The following PEBP4 variants were observed in gnomAD, a reference collection of about 807,000 sequenced individuals.
PEBP4 encodes phosphatidylethanolamine-binding protein 4.
A neutral mutation model predicts 23.9 loss-of-function variants in PEBP4; 22 were observed. That is an observed-to-expected ratio of 0.92 (90% CI 0.66 to 1.31). The LOEUF (loss-of-function observed/expected upper bound fraction) is 1.31. PEBP4 is among the 40% of genes most tolerant of loss of function. PEBP4 has a pLI of 0.00. For synonymous variants in PEBP4, 112 were observed against 99.3 expected (o/e 1.13, Z -0.76); for missense variants, 324 against 281.7 (o/e 1.15, Z -1.07).
At chr8:22,935,517 C>T (rs1170420710) in intron 1 of PEBP4, among the ~76,000 whole-genome samples, 1 of 152,114 alleles carries the variant, frequency 6.6e-6, no homozygotes, top group Non-Finnish European at 1.5e-5. Context: ...CAGAGTGAGA[C>T]TGTCTCAAAA....
chr8:22,819,111 T>A (rs1465343734), intron 3 of PEBP4, among the ~76,000 whole-genome samples: 1 of 152,100 alleles, frequency 6.6e-6, no homozygotes, highest in Non-Finnish European at 1.5e-5. Flanking sequence ...GTCATTGATA[T>A]AGAGATGGCC....
intron 3 of PEBP4, among the ~76,000 whole-genome samples, chr8:22,864,800 G>C (rs573528672): frequency 6.6e-6 from 1 of 152,372 alleles, no homozygotes; most frequent in South Asian, 2.1e-4. Context: ...CCAAGTCCTA[G>C]CGGGTAGTAC....
chr8:22,730,034 A>C (rs980540648), intron 4 of PEBP4, among the ~76,000 whole-genome samples: 2 of 152,176 alleles, frequency 1.3e-5, no homozygotes, highest in African/African-American at 4.8e-5. Context: ...CTTAGACCCC[A>C]GGCCCTTCGA....
chr8:22,938,705 C>G (rs931646905), intron 1 of PEBP4, among the ~76,000 whole-genome samples: 1 of 152,070 alleles, frequency 6.6e-6, no homozygotes, highest in Non-Finnish European at 1.5e-5. Flanking sequence ...ACACTTCCCC[C>G]CCATTATAGA....
intron 3 of PEBP4, among the ~76,000 whole-genome samples, chr8:22,862,338 G>A (rs73555825): frequency 0.022 from 3,369 of 152,134 alleles, 130 homozygotes; most frequent in African/African-American, 0.076. Flanking sequence ...GGAGTATCTC[G>A]TCTGCATAAA....
intron 4 of PEBP4, among the ~76,000 whole-genome samples, chr8:22,743,342 G>T (rs1325605362): frequency 6.6e-6 from 1 of 152,230 alleles, no homozygotes; most frequent in South Asian, 2.1e-4. Context: ...TAAAGAAGGG[G>T]CCTGAGCTCT....
intron 3 of PEBP4, among the ~76,000 whole-genome samples, chr8:22,913,626 C>A (rs920593395): frequency 6.6e-6 from 1 of 152,166 alleles, no homozygotes; most frequent in Non-Finnish European, 1.5e-5. Flanking sequence ...CACCTCCCAC[C>A]CCTGACTTCC....
intron 3 of PEBP4, among the ~76,000 whole-genome samples, chr8:22,892,037 C>A (rs1585328322): frequency 6.6e-6 from 1 of 151,238 alleles, no homozygotes; most frequent in African/African-American, 2.4e-5. Flanking sequence ...CGCGCCACTG[C>A]AGTCCGGCCT....
At chr8:22,842,188 C>T (rs955772710) in intron 3 of PEBP4, among the ~76,000 whole-genome samples, 5 of 152,188 alleles carry the variant, frequency 3.3e-5, no homozygotes, top group African/African-American at 1.2e-4. Context: ...AATTCATTAT[C>T]CCCAAGAGGT....
intron 1 of PEBP4, among the ~76,000 whole-genome samples, chr8:22,933,516 T>A (rs1809492489): frequency 6.6e-6 from 1 of 152,154 alleles, no homozygotes; most frequent in African/African-American, 2.4e-5. Flanking sequence ...TGGGATGATA[T>A]AAAGTACTGA....
intron 3 of PEBP4, among the ~76,000 whole-genome samples, chr8:22,918,511 T>C (rs2128780358): frequency 6.6e-6 from 1 of 152,284 alleles, no homozygotes; most frequent in East Asian, 1.9e-4. Flanking sequence ...CCAAAGACTT[T>C]CCCAACAGGC....
At chr8:22,737,773 C>T (rs1373075600) in intron 4 of PEBP4, among the ~76,000 whole-genome samples, 1 of 152,230 alleles carries the variant, frequency 6.6e-6, no homozygotes, top group Non-Finnish European at 1.5e-5. Flanking sequence ...AGTTTCCGTA[C>T]CTATAAAGTG....
At chr8:22,873,470 C>CA (rs35925508) in intron 3 of PEBP4, among the ~76,000 whole-genome samples, 38,943 of 146,706 alleles carry the variant, frequency 0.27, 5,366 homozygotes, top group Middle Eastern at 0.32. Context: ...TGAAAAAGTA[C>CA]AAAAAAAAAA....
chr8:22,827,528 C>T (rs543032875), intron 3 of PEBP4, among the ~76,000 whole-genome samples: 8 of 152,018 alleles, frequency 5.3e-5, no homozygotes, highest in African/African-American at 1.4e-4. Context: ...TTTTACTCAG[C>T]GTAATGTTTT....
intron 3 of PEBP4, among the ~76,000 whole-genome samples, chr8:22,821,109 C>T (rs538461448): frequency 6.6e-6 from 1 of 152,254 alleles, no homozygotes; most frequent in African/African-American, 2.4e-5. Flanking sequence ...GGAAGGATCG[C>T]TTGAGCCCAG....
intron 6 of PEBP4, among the ~76,000 whole-genome samples, chr8:22,720,431 C>T (rs564340227): frequency 2.6e-5 from 4 of 152,228 alleles, no homozygotes; most frequent in African/African-American, 7.2e-5. Flanking sequence ...CAGTGGTGGG[C>T]AGGCAGATGT....
chr8:22,782,372 T>C (rs1378410252), intron 4 of PEBP4, among the ~76,000 whole-genome samples: 1 of 152,214 alleles, frequency 6.6e-6, no homozygotes, highest in Non-Finnish European at 1.5e-5. Context: ...CAACACACAC[T>C]GTCGAGCACC....
chr8:22,735,179 A>G (rs111615518), intron 4 of PEBP4, among the ~76,000 whole-genome samples: 3,947 of 152,326 alleles, frequency 0.026, 117 homozygotes, highest in Non-Finnish European at 0.032. Context: ...GGAGCCTCTG[A>G]TCTGCTAGAA....
chr8:22,835,812 T>C (rs906638472), intron 3 of PEBP4, among the ~76,000 whole-genome samples: 5 of 152,220 alleles, frequency 3.3e-5, no homozygotes, highest in African/African-American at 1.2e-4. Context: ...TGCTTGCGCA[T>C]GGCAACCCCT....
Sources: gnomAD v4.1 joint callset for allele counts (sites outside exome capture counted in the v4.1 genomes callset) on GRCh38, gnomAD v4.1.1 for gene constraint, MANE v1.5 for transcripts, NCBI Gene and HGNC (gene_info 2026-07-23, HGNC 2026-07-21) for gene names.